Variants in TPO observed in about 807,000 individuals in gnomAD.
The protein encoded by TPO is thyroid peroxidase.
A neutral mutation model predicts 96.9 loss-of-function variants in TPO; 78 were observed. The observed-to-expected ratio is 0.81, with a 90% CI of 0.67 to 0.97. TPO has a LOEUF of 0.97. Ranked by LOEUF, TPO falls within the 50% of genes least tolerant of loss-of-function variation. TPO has a pLI of 0.00. For missense variants in TPO, 1,252 were observed against 1,274.8 expected (o/e 0.98, Z 0.27); for synonymous variants, 547 against 538.0 (o/e 1.02, Z -0.23).
chr2:1,517,010 T>G, intron 15 of TPO, 28 bp downstream of exon 15: 1 of 1,608,128 alleles, frequency 6.2e-7, no homozygotes, highest in South Asian at 1.1e-5. Flanking sequence ...TGACTGTTAC[T>G]TAGACACAAA....
chr2:1,379,600 G>A (rs900629363), intron 1 of TPO, among the ~76,000 whole-genome samples: 1 of 152,202 alleles, frequency 6.6e-6, no homozygotes, highest in Middle Eastern at 3.4e-3. Flanking sequence ...ATAATCTCGG[G>A]CCTTCTTGTA....
At chr2:1,530,282 T>A (rs1029880046) in intron 15 of TPO, among the ~76,000 whole-genome samples, 19 of 90,642 alleles carry the variant, frequency 2.1e-4, no homozygotes, top group African/African-American at 9.2e-4. Flanking sequence ...CCTCCTCAAA[T>A]CCCCCGCCAG....
intron 1 of TPO, among the ~76,000 whole-genome samples, chr2:1,403,039 C>G (rs887395067): frequency 6.6e-6 from 1 of 152,218 alleles, no homozygotes; most frequent in Admixed American, 6.5e-5. Flanking sequence ...TGATACTTAA[C>G]CTGCGTTTCC....
chr2:1,535,707 C>A (rs116313286), intron 15 of TPO, among the ~76,000 whole-genome samples: 1,571 of 85,092 alleles, frequency 0.018, 128 homozygotes, highest in African/African-American at 0.045. Context: ...GTGTGTGCAA[C>A]CTCCCGAAAT....
chr2:1,517,191 G>T (rs1446281699), intron 15 of TPO, among the ~76,000 whole-genome samples: 6 of 152,178 alleles, frequency 3.9e-5, no homozygotes, highest in African/African-American at 1.4e-4. Flanking sequence ...GTGATCATTT[G>T]TACACCTTAG....
intron 2 of TPO, among the ~76,000 whole-genome samples, chr2:1,418,299 A>AG (rs113469180): frequency 0.017 from 2,460 of 146,172 alleles, 61 homozygotes; most frequent in African/African-American, 0.058. Context: ...AAAAAAAAAA[A>AG]AGAGAGAGAG....
intron 15 of TPO, among the ~76,000 whole-genome samples, chr2:1,525,891 A>ATACTGTGTGCAACCTCCTCAAATCCCAG (rs1676343852): frequency 2.3e-5 from 2 of 86,728 alleles, no homozygotes; most frequent in African/African-American, 9.2e-5. Context: ...TCAAATCCCA[A>ATACTGTGTGCAACCTCCTCAAATCCCAG]TACTGTGTGC....
chr2:1,395,042 G>A (rs1558245465), intron 1 of TPO, among the ~76,000 whole-genome samples: 1 of 151,136 alleles, frequency 6.6e-6, no homozygotes, highest in Non-Finnish European at 1.5e-5. Context: ...AAAAAAAATT[G>A]CAGTTTTTTC....
At chr2:1,530,439 G>A (rs1385343287) in intron 15 of TPO, among the ~76,000 whole-genome samples, 2 of 146,502 alleles carry the variant, frequency 1.4e-5, no homozygotes, top group Non-Finnish European at 3.0e-5. Context: ...CCACCACTGT[G>A]TGCAACCTCC....
intron 3 of TPO, among the ~76,000 whole-genome samples, chr2:1,428,844 C>T (rs1664693626): frequency 6.6e-6 from 1 of 152,116 alleles, no homozygotes; most frequent in Admixed American, 6.5e-5. Context: ...GGGGAACCTG[C>T]ACAGGTGCTT....
chr2:1,438,463 C>G lies in TPO; in HGVS notation c.482+2079C>G, dbSNP rs563170066. 2.6e-5 allele frequency among the ~76,000 whole-genome samples: 4 copies of G among 152,250 alleles called. No homozygotes were observed. The South Asian group carries it at 8.3e-4, about 32-fold the overall frequency. On this transcript the variant is annotated intron_variant, in intron 5 of 16. Transcript: ENST00000329066. Reference sequence around the variant, plus strand: ...CTAGGTTTTCCTTGAGACCTCCTAACTTTTTTCCATTTCCTTTTCTGCCTG... The same window carrying G: ...CTAGGTTTTCCTTGAGACCTCCTAAGTTTTTTCCATTTCCTTTTCTGCCTG...
intron 10 of TPO, among the ~76,000 whole-genome samples, chr2:1,491,483 A>G (rs1671765731): frequency 6.6e-6 from 1 of 152,242 alleles, no homozygotes; most frequent in South Asian, 2.1e-4. Flanking sequence ...ATTTTGGACT[A>G]CTTAAAACAG....
At chr2:1,448,346 C>G (rs2148558636) in intron 5 of TPO, among the ~76,000 whole-genome samples, 1 of 152,336 alleles carries the variant, frequency 6.6e-6, no homozygotes, top group East Asian at 1.9e-4. Context: ...GGTCCGCCTC[C>G]TTTCCTCTTC....
chr2:1,522,570 C>T (rs894571605), intron 15 of TPO, among the ~76,000 whole-genome samples: 15 of 152,264 alleles, frequency 9.9e-5, no homozygotes, highest in South Asian at 6.2e-4. Context: ...GCCCTGCCAC[C>T]GTGTGATGCC....
At chr2:1,490,016 C>T (rs888033167) in intron 10 of TPO, among the ~76,000 whole-genome samples, 2 of 95,304 alleles carry the variant, frequency 2.1e-5, no homozygotes. Context: ...AGAGCCGCCA[C>T]GAGGGTCCCA....
chr2:1,477,295 G>C lies in TPO; in HGVS notation c.1029G>C (p.Trp343Cys). The C allele has an allele frequency of 6.3e-7, 1 of 1,589,094 alleles. No homozygotes were observed. Among genetic ancestry groups the C allele is most frequent in the Non-Finnish European group, 8.6e-7 (1 of 1,169,296 alleles). Residue 343 changes from tryptophan (W) to cysteine (C), a missense_variant, in exon 8 of 17, where the codon TGG (tryptophan) becomes TGC (cysteine). Physicochemically the swap from Trp to Cys is radical, Grantham distance 215. Transcript: ENST00000329066. ...CCCTAGAGAGGCAGCTGCGGAACTGGACCAGTGCCGAAGGGCTGCTCCGCG... is the reference window on the plus strand; with the variant it reads ...CCCTAGAGAGGCAGCTGCGGAACTGCACCAGTGCCGAAGGGCTGCTCCGCG... ...SPALERQLRN[W>C]TSAEGLLRVH...
intron 15 of TPO, among the ~76,000 whole-genome samples, chr2:1,528,640 T>G (rs1677200302): frequency 7.5e-6 from 1 of 132,562 alleles, no homozygotes; most frequent in Admixed American, 7.5e-5. Flanking sequence ...CCCCCCACTG[T>G]GTGCAACCTC....
At chr2:1,502,284 G>A (rs1398097607) in intron 13 of TPO, among the ~76,000 whole-genome samples, 2 of 152,122 alleles carry the variant, frequency 1.3e-5, no homozygotes, top group Non-Finnish European at 2.9e-5. Flanking sequence ...GCCTTGACAT[G>A]GTTACCTGTA....
At chr2:1,440,150 A>AC (rs1558287906) in intron 5 of TPO, among the ~76,000 whole-genome samples, 3 of 99,312 alleles carry the variant, frequency 3.0e-5, no homozygotes, top group African/African-American at 1.3e-4. Flanking sequence ...TGCGTTTCCA[A>AC]TGTGCTGCGT....
Sources: gnomAD v4.1 joint callset for allele counts (sites outside exome capture counted in the v4.1 genomes callset) on GRCh38, gnomAD v4.1.1 for gene constraint, MANE v1.5 for transcripts, NCBI Gene and HGNC (gene_info 2026-07-23, HGNC 2026-07-21) for gene names.